Variants in CDH23 observed in about 807,000 individuals in gnomAD.
CDH23 encodes cadherin-23.
In CDH23, 189 loss-of-function variants were observed where a neutral mutation model predicts 317.1. The ratio of observed to expected loss-of-function variants is 0.60; its 90% CI spans 0.53 to 0.67. The LOEUF is 0.67. Among genes scored for constraint, CDH23 ranks in the 30% least tolerant of loss-of-function variants. CDH23 has a pLI of 0.00. For synonymous variants in CDH23, 1,839 were observed against 1,876.8 expected (o/e 0.98, Z 0.52); for missense variants, 4,401 against 4,592.4 (o/e 0.96, Z 1.20).
intron 38 of CDH23, among the ~76,000 whole-genome samples, chr10:71,764,579 A>C (rs1357271890): frequency 6.6e-6 from 1 of 152,142 alleles, no homozygotes; most frequent in Non-Finnish European, 1.5e-5. Flanking sequence ...ATAATGCTAA[A>C]CCAGCTTTCC....
chr10:71,811,394 G>C lies in CDH23; in HGVS notation c.9157G>C (p.Ala3053Pro), dbSNP rs758781492. Residue 3053 changes from alanine (A) to proline (P), a missense_variant, in exon 63 of 70, where the codon GCC (alanine) becomes CCC (proline). By Grantham distance (27) the Ala-to-Pro change is conservative. Around this residue, in one of 3 missense-constraint regions of CDH23, gnomAD observed 1,144 missense variants for 1,138.2 expected, o/e 1.01. Transcript: ENST00000224721. ...RNYNVLDVQPAISVRLPDDMS... is the reference protein window; with the variant it reads ...RNYNVLDVQPPISVRLPDDMS... ...CTACAACGTCCTGGACGTGCAGCCT[G>C]CCATCTCTGTCCGGCTGCCGGATGA... 3 of 1,613,942 alleles carry C rather than the reference G, an allele frequency of 1.9e-6. No homozygotes were observed. The highest frequency in any genetic ancestry group is 2.5e-6 in the Non-Finnish European group (3 of 1,179,892).
intron 19 of CDH23, 126 bp from the exon 20 acceptor site, chr10:71,690,342 T>C (rs1865138998): frequency 1.6e-6 from 1 of 618,764 alleles, no homozygotes; most frequent in East Asian, 2.9e-5. Context: ...CCCTGAGAGC[T>C]GGTCACTGGG....
intron 1 of CDH23, among the ~76,000 whole-genome samples, chr10:71,411,784 T>C (rs1848355246): frequency 1.3e-5 from 2 of 152,342 alleles, no homozygotes; most frequent in South Asian, 4.1e-4. Flanking sequence ...TTTCTTCTAA[T>C]TTTTTCAAAA....
intron 1 of CDH23, among the ~76,000 whole-genome samples, chr10:71,437,432 T>C (rs1849669112): frequency 6.6e-6 from 1 of 152,240 alleles, no homozygotes; most frequent in Non-Finnish European, 1.5e-5. Flanking sequence ...TGAGCTATTA[T>C]TATCTCCTAA....
At chr10:71,403,403 CTTTCTCTT>C (rs1847916155) in intron 1 of CDH23, among the ~76,000 whole-genome samples, 4 of 80,002 alleles carry the variant, frequency 5.0e-5, no homozygotes, top group Non-Finnish European at 9.0e-5. Context: ...TTCTTTCTTT[CTTTCTCTT>C]CCTTCCTTCC....
At chr10:71,792,542 G>T (rs1841279588) in intron 47 of CDH23, among the ~76,000 whole-genome samples, 1 of 151,702 alleles carries the variant, frequency 6.6e-6, no homozygotes, top group South Asian at 2.1e-4. Context: ...TATTTGTCTT[G>T]GTCCAGGCGA....
chr10:71,689,772 C>T (rs1382512445), intron 19 of CDH23, among the ~76,000 whole-genome samples: 5 of 152,212 alleles, frequency 3.3e-5, no homozygotes, highest in African/African-American at 9.6e-5. Flanking sequence ...GTGAAGGCGC[C>T]TGCCGAGGCC....
chr10:71,734,057 G>T (rs7069461), intron 32 of CDH23, among the ~76,000 whole-genome samples, 183 bp from the exon 33 acceptor site: 2 of 152,200 alleles, frequency 1.3e-5, no homozygotes, highest in East Asian at 3.8e-4. Flanking sequence ...AAGCAGGAAG[G>T]CTTCATGGAA....
At chr10:71,609,830 C>G (rs1860753328) in intron 9 of CDH23, among the ~76,000 whole-genome samples, 1 of 152,226 alleles carries the variant, frequency 6.6e-6, no homozygotes, top group African/African-American at 2.4e-5. Context: ...CCACCAGTCC[C>G]CATGGTAGGC....
At chr10:71,602,126 C>A (rs1163255532) in intron 9 of CDH23, among the ~76,000 whole-genome samples, 1 of 150,294 alleles carries the variant, frequency 6.7e-6, no homozygotes, top group Non-Finnish European at 1.5e-5. Flanking sequence ...TGACGGAGCA[C>A]AATTTGATTC....
chr10:71,398,461 G>A (rs182174577), intron 1 of CDH23, among the ~76,000 whole-genome samples: 2,492 of 150,948 alleles, frequency 0.017, 59 homozygotes, highest in African/African-American at 0.051. Flanking sequence ...GTGTGTGTGT[G>A]TGTGTGTGTG....
At chr10:71,441,418 G>A (rs983286274) in intron 2 of CDH23, among the ~76,000 whole-genome samples, 6 of 152,060 alleles carry the variant, frequency 3.9e-5, no homozygotes, top group African/African-American at 1.2e-4. Context: ...TTCTTCATCC[G>A]TTAAAAAGAA....
Position 71,577,072 on chromosome 10 carries a change from C to T in CDH23, c.754-842C>T, listed in dbSNP as rs150863555. On this transcript the variant is annotated intron_variant, in intron 8 of 69. Coordinates refer to ENST00000224721, the MANE Select transcript of CDH23 (RefSeq NM_022124.6). ...GAATGTTGCCATCTGTACGACCATT[C>T]GCCAATTCCTCCAGGTGGACTTCTC... Among the ~76,000 whole-genome samples the T allele has an allele frequency of 1.1e-3, 168 of 152,274 alleles. 1 individual carries two copies. Among genetic ancestry groups the T allele is most frequent in the African/African-American group, 3.7e-3 (153 of 41,546 alleles).
chr10:71,516,287 G>A (rs1185327883), intron 6 of CDH23, among the ~76,000 whole-genome samples: 1 of 152,184 alleles, frequency 6.6e-6, no homozygotes, highest in Non-Finnish European at 1.5e-5. Context: ...GTGGGGATGA[G>A]GCTACTATGG....
intron 14 of CDH23, among the ~76,000 whole-genome samples, chr10:71,667,847 G>A (rs1320346014): frequency 6.6e-6 from 1 of 152,144 alleles, no homozygotes; most frequent in African/African-American, 2.4e-5. Flanking sequence ...AGAGGGCCGG[G>A]AGCTGGGCTG....
chr10:71,800,867 C>A, intron 53 of CDH23, 112 bp downstream of exon 53: 2 of 1,414,758 alleles, frequency 1.4e-6, no homozygotes, highest in Middle Eastern at 2.4e-4. Flanking sequence ...CCCCCGGTCC[C>A]CTTTGAGACA....
intron 3 of CDH23, among the ~76,000 whole-genome samples, chr10:71,474,943 A>T (rs1290922519): frequency 1.3e-5 from 2 of 152,206 alleles, no homozygotes; most frequent in Non-Finnish European, 2.9e-5. Context: ...TGGCTTGGTC[A>T]ATGTCTAAGA....
chr10:71,514,680 TC>T (rs369380761), intron 6 of CDH23, among the ~76,000 whole-genome samples: 1 of 152,264 alleles, frequency 6.6e-6, no homozygotes, highest in African/African-American at 2.4e-5. Context: ...CATGTAATTA[TC>T]CATTTTATCA....
intron 9 of CDH23, among the ~76,000 whole-genome samples, chr10:71,610,897 T>C (rs1331912131): frequency 6.6e-6 from 1 of 152,140 alleles, no homozygotes; most frequent in African/African-American, 2.4e-5. Flanking sequence ...CCAGAATCCT[T>C]ACGGTGGTAA....
Sources: allele counts gnomAD v4.1 joint callset (sites outside exome capture counted in the v4.1 genomes callset), GRCh38; gene constraint gnomAD v4.1.1; regional missense constraint gnomAD v4.1.1; transcripts MANE v1.5; gene names NCBI Gene and HGNC (gene_info 2026-07-23, HGNC 2026-07-21).